The following SSH2 variants were observed in gnomAD, a reference collection of about 807,000 sequenced individuals.
SSH2 encodes slingshot protein phosphatase 2, also known as protein phosphatase Slingshot homolog 2.
SSH2 carries 37 observed loss-of-function variants against 135.2 expected under a neutral mutation model. The ratio of observed to expected loss-of-function variants is 0.27; its 90% CI spans 0.21 to 0.36. SSH2 has a LOEUF of 0.36. Ranked by LOEUF, SSH2 falls within the 10% of genes least tolerant of loss-of-function variation. The probability of loss-of-function intolerance (pLI) is 1.00; values close to 1 mark genes in which losing one functional copy is unlikely to be tolerated. For missense variants in SSH2, 1,408 were observed against 1,765.3 expected (o/e 0.80, Z 3.63); for synonymous variants, 628 against 646.2 (o/e 0.97, Z 0.43).
At chr17:29,844,442 T>C (rs2043096617) in intron 2 of SSH2, among the ~76,000 whole-genome samples, 1 of 152,198 alleles carries the variant, frequency 6.6e-6, no homozygotes, top group South Asian at 2.1e-4. Flanking sequence ...GAATCCCAGC[T>C]CATCCAGAGC....
At chr17:29,693,764 A>G (rs1175177711) in intron 5 of SSH2, among the ~76,000 whole-genome samples, 1 of 152,226 alleles carries the variant, frequency 6.6e-6, no homozygotes, top group Non-Finnish European at 1.5e-5. Flanking sequence ...ATTTTTATAT[A>G]TTCTAATCAA....
At chr17:29,701,889 ATTT>A (rs35686014) in intron 4 of SSH2, among the ~76,000 whole-genome samples, 4 of 129,148 alleles carry the variant, frequency 3.1e-5, no homozygotes, top group Non-Finnish European at 4.9e-5. Context: ...CTAATTTAAA[ATTT>A]TTTTTTTTTT....
intron 3 of SSH2, among the ~76,000 whole-genome samples, chr17:29,720,485 C>T (rs972284558): frequency 2.6e-5 from 4 of 152,122 alleles, no homozygotes; most frequent in Admixed American, 6.5e-5. Flanking sequence ...TATTAAACCA[C>T]GGGGAACAGA....
At chr17:29,679,518 T>C (rs548155484) in intron 6 of SSH2, among the ~76,000 whole-genome samples, 1 of 152,274 alleles carries the variant, frequency 6.6e-6, no homozygotes, top group African/African-American at 2.4e-5. Flanking sequence ...GCGATTCTCC[T>C]GTCTCAGCCT....
intron 3 of SSH2, among the ~76,000 whole-genome samples, chr17:29,764,244 C>T (rs1195020138): frequency 2.6e-5 from 4 of 152,212 alleles, no homozygotes; most frequent in Non-Finnish European, 2.9e-5. Flanking sequence ...AGCCACTGCA[C>T]CCGGCCTGTC....
intron 3 of SSH2, among the ~76,000 whole-genome samples, chr17:29,714,384 A>G (rs761380427): frequency 2.6e-5 from 4 of 152,232 alleles, no homozygotes; most frequent in Admixed American, 6.5e-5. Flanking sequence ...ACACACCCGC[A>G]GAAGAAATGC....
At chr17:29,825,917 G>A (rs972545012) in intron 2 of SSH2, among the ~76,000 whole-genome samples, 1 of 152,116 alleles carries the variant, frequency 6.6e-6, no homozygotes. Context: ...GGTAAACCAG[G>A]AAATACTGCT....
rs1157073718 is a variant in SSH2 at position 29,761,887 on chromosome 17, A to ATTTT, written c.188+32003_188+32006dup. Among the ~76,000 whole-genome samples, 1,091 of 143,642 alleles carry ATTTT rather than the reference A, an allele frequency of 7.6e-3. 34 individuals carry two copies. Among genetic ancestry groups the ATTTT allele is most frequent in the African/African-American group, 0.026 (974 of 37,752 alleles). The allele number at this position is 143,642 out of a possible 152,430, so 94.2% of individuals were successfully genotyped here. A position where few individuals can be genotyped will look rare whatever the true frequency, so the allele number is the denominator to read the frequency against. ...TGTGTGTGTGTATATATATATATAT[A>ATTTT]TTTTTTTTTGAGATGGAGTTTCTGC... On this transcript the variant is annotated intron_variant, in intron 3 of 15. Coordinates refer to ENST00000540801, the MANE Select transcript of SSH2 (RefSeq NM_001282129.2).
At chr17:29,914,678 G>A (rs1483062291) in intron 1 of SSH2, among the ~76,000 whole-genome samples, 1 of 152,022 alleles carries the variant, frequency 6.6e-6, no homozygotes, top group Non-Finnish European at 1.5e-5. Context: ...TGTGCCCAAT[G>A]AGCATTAAAT....
chr17:29,777,804 A>C (rs2041739434), intron 3 of SSH2: 1 of 152,570 alleles, frequency 6.6e-6, no homozygotes. Context: ...AAAAAAAAAA[A>C]AAAAAAAAAA....
At chr17:29,725,497 C>A (rs1023928678) in intron 3 of SSH2, among the ~76,000 whole-genome samples, 2 of 152,046 alleles carry the variant, frequency 1.3e-5, no homozygotes, top group African/African-American at 4.8e-5. Context: ...TGGAACCAAC[C>A]CAAATGCCCA....
chr17:29,925,667 C>T (rs2067051432), intron 1 of SSH2: 3 of 390,738 alleles, frequency 7.7e-6, no homozygotes, highest in Non-Finnish European at 1.4e-5. Context: ...TATGACTGTG[C>T]CACTGCACTC....
chr17:29,928,268 A>T (rs2067105655), intron 1 of SSH2: 1 of 327,466 alleles, frequency 3.1e-6, no homozygotes, highest in African/African-American at 2.1e-5. Context: ...AGCATAAAGT[A>T]CTACACATAA....
At chr17:29,772,191 A>G (rs1174853395) in intron 3 of SSH2, among the ~76,000 whole-genome samples, 7 of 152,094 alleles carry the variant, frequency 4.6e-5, no homozygotes, top group Non-Finnish European at 1.0e-4. Context: ...CATTTTACAA[A>G]ATGAGGAAAT....
chr17:29,857,381 C>T (rs1015771959), intron 1 of SSH2, among the ~76,000 whole-genome samples: 23 of 152,218 alleles, frequency 1.5e-4, no homozygotes, highest in Admixed American at 7.2e-4. Context: ...GAGAACAGCA[C>T]GGGAAAGACT....
At chr17:29,768,357 A>G (rs778398441) in intron 3 of SSH2, among the ~76,000 whole-genome samples, 19 of 150,942 alleles carry the variant, frequency 1.3e-4, no homozygotes, top group Non-Finnish European at 2.8e-4. Flanking sequence ...CAGTGGCACA[A>G]TCACAGCTCA....
rs147815372 is a variant in SSH2, at chr17:29,631,979, T to G, written c.3215A>C (p.Asn1072Thr). The G allele has an allele frequency of 4.0e-5, 64 of 1,614,254 alleles. No homozygotes were observed. In the African/African-American group the frequency reaches 6.7e-4, roughly 17 times the overall value. Residue 1072 changes from asparagine (N) to threonine (T), a missense_variant, in exon 16 of 16, where the codon AAC (asparagine) becomes ACC (threonine). Asn to Thr is a moderately conservative substitution (Grantham distance 65). Around this residue, in one of 3 missense-constraint regions of SSH2, gnomAD observed 1,080 missense variants for 1,144.5 expected, o/e 0.94. Coordinates refer to ENST00000540801, the MANE Select transcript of SSH2 (RefSeq NM_001282129.2). ...KSGEQGLRKV[N>T]MEKSVTVLCT... ...GAGCACAGTGACAGATTTTTCCATG[T>G]TCACTTTCCTCAGCCCTTGCTCTCC...
chr17:29,768,286 T>TG (rs2041493272), intron 3 of SSH2, among the ~76,000 whole-genome samples: 2 of 151,446 alleles, frequency 1.3e-5, no homozygotes, highest in African/African-American at 4.8e-5. Context: ...AAGATAAATG[T>TG]AAATTTTTTT....
At chr17:29,744,017 C>T (rs2151214182) in intron 3 of SSH2, among the ~76,000 whole-genome samples, 1 of 146,734 alleles carries the variant, frequency 6.8e-6, no homozygotes, top group African/African-American at 2.5e-5. Context: ...ATGGGGCTGA[C>T]AGTTGATAAA....
Sources: gnomAD v4.1 joint callset for allele counts (sites outside exome capture counted in the v4.1 genomes callset) on GRCh38, gnomAD v4.1.1 for gene constraint, gnomAD v4.1.1 regional missense constraint, MANE v1.5 for transcripts, NCBI Gene and HGNC (gene_info 2026-07-23, HGNC 2026-07-21) for gene names.